CLCN5: variants seen among roughly 807,000 people sequenced by gnomAD.
CLCN5 encodes H(+)/Cl(-) exchange transporter 5.
CLCN5 carries 17 observed loss-of-function variants against 54.0 expected under a neutral mutation model. That is an observed-to-expected ratio of 0.31 (90% CI 0.22 to 0.47). The LOEUF is 0.47. Ranked by LOEUF, CLCN5 falls within the 20% of genes least tolerant of loss-of-function variation. CLCN5 has a pLI of 1.00. For synonymous variants in CLCN5, 222 were observed against 233.0 expected (o/e 0.95, Z 0.43); for missense variants, 448 against 646.7 (o/e 0.69, Z 3.33).
In CLCN5 at chrX:50,057,040, A is replaced by T. The variant is rs1470209550; in HGVS notation, c.164-12839A>T. On this transcript the variant is annotated intron_variant, in intron 4 of 14. Transcript: ENST00000376091. ...TTTTAACCTGCTGTGAACAGGAACC[A>T]AAGCAGTGGATCACTAAATGAAATG... Among the ~76,000 whole-genome samples, 4 of 111,380 alleles carry T rather than the reference A, an allele frequency of 3.6e-5. No individual in the cohort carries two copies. The Admixed American group carries it at 3.8e-4, about 11-fold the overall frequency.
chrX:50,000,701 T>C (rs944091616), intron 3 of CLCN5, among the ~76,000 whole-genome samples: 3 of 112,074 alleles, frequency 2.7e-5, no homozygotes, highest in African/African-American at 6.5e-5. Flanking sequence ...AAGTGACTTA[T>C]CTTGTGTCTC....
intron 4 of CLCN5, chrX:50,050,431 A>G (rs1442679604): frequency 1.8e-5 from 2 of 111,055 alleles, no homozygotes; most frequent in East Asian, 2.8e-4. Flanking sequence ...GTGGTATCTC[A>G]TTGTTTTAAT....
At chrX:49,989,743 A>G (rs1929164815) in intron 3 of CLCN5, among the ~76,000 whole-genome samples, 1 of 111,779 alleles carries the variant, frequency 8.9e-6, no homozygotes, top group Non-Finnish European at 1.9e-5. Flanking sequence ...ATCTGATTTT[A>G]TGGTTCCATG....
intron 3 of CLCN5, among the ~76,000 whole-genome samples, chrX:50,013,903 A>T (rs782523900): frequency 8.9e-6 from 1 of 112,258 alleles, no homozygotes; most frequent in African/African-American, 3.2e-5. Context: ...CCATTCATTT[A>T]TTCATCCCTT....
At chrX:49,964,580 A>T (rs1927752773) in intron 3 of CLCN5, among the ~76,000 whole-genome samples, 1 of 111,238 alleles carries the variant, frequency 9.0e-6, no homozygotes, top group Non-Finnish European at 1.9e-5. Flanking sequence ...AGCTGCAAAT[A>T]GGTTCTTACT....
intron 2 of CLCN5, 113 bp from the exon 3 acceptor site, chrX:49,925,058 C>T (rs1261335937): frequency 4.6e-6 from 2 of 430,143 alleles, no homozygotes; most frequent in African/African-American, 2.5e-5. Flanking sequence ...CTTGACACTA[C>T]CCATGCCTGC....
chrX:49,929,088 C>T (rs1925505160), intron 3 of CLCN5, among the ~76,000 whole-genome samples: 1 of 111,502 alleles, frequency 9.0e-6, no homozygotes, highest in Admixed American at 9.5e-5. Context: ...ATGTGTGAGT[C>T]TGTTCTCAGC....
At chrX:49,972,979 A>G (rs1928294996) in intron 3 of CLCN5, among the ~76,000 whole-genome samples, 1 of 112,099 alleles carries the variant, frequency 8.9e-6, no homozygotes, top group Admixed American at 9.5e-5. Context: ...CAACCTTTAT[A>G]TGGTGCTTTA....
intron 3 of CLCN5, among the ~76,000 whole-genome samples, chrX:49,998,133 G>C (rs1929620405): frequency 9.0e-6 from 1 of 110,988 alleles, no homozygotes; most frequent in Non-Finnish European, 1.9e-5. Context: ...GTTAATCCTT[G>C]CAACAACCCT....
chrX:50,016,614 C>T (rs1930801220), intron 3 of CLCN5, among the ~76,000 whole-genome samples: 1 of 108,504 alleles, frequency 9.2e-6, no homozygotes, highest in Non-Finnish European at 1.9e-5. Context: ...CATTAGAGTT[C>T]CCTCTTTGTG....
intron 3 of CLCN5, among the ~76,000 whole-genome samples, chrX:49,965,394 A>G (rs1927791149): frequency 8.9e-6 from 1 of 111,844 alleles, no homozygotes; most frequent in Non-Finnish European, 1.9e-5. Context: ...CATGGTTTTG[A>G]TGCTATTTAA....
intron 3 of CLCN5, among the ~76,000 whole-genome samples, chrX:49,983,546 G>A (rs55936267): frequency 1.1e-3 from 119 of 109,557 alleles, no homozygotes; most frequent in Middle Eastern, 4.7e-3. Flanking sequence ...AAGTGTCCAG[G>A]TGGAAAGGAA....
chrX:49,960,662 T>A (rs1557174542), intron 3 of CLCN5, among the ~76,000 whole-genome samples: 1 of 110,299 alleles, frequency 9.1e-6, no homozygotes, highest in African/African-American at 3.3e-5. Context: ...AAGGCTAACC[T>A]CATTTTCCTT....
At chrX:50,064,693 G>A (rs1303675268) in intron 4 of CLCN5, among the ~76,000 whole-genome samples, 444 of 96,126 alleles carry the variant, frequency 4.6e-3, no homozygotes, top group Middle Eastern at 9.8e-3. Flanking sequence ...AAAAGAGCCC[G>A]CATCGCCAAG....
intron 3 of CLCN5, among the ~76,000 whole-genome samples, chrX:49,940,451 C>T (rs782073981): frequency 7.1e-5 from 8 of 111,893 alleles, no homozygotes; most frequent in Non-Finnish European, 1.5e-4. Flanking sequence ...TCCTCACCTT[C>T]GTCTAACTTC....
intron 3 of CLCN5, among the ~76,000 whole-genome samples, chrX:49,935,375 C>T (rs1026422035): frequency 2.7e-5 from 3 of 112,091 alleles, no homozygotes; most frequent in African/African-American, 9.7e-5. Context: ...ATTGACTGCA[C>T]TTGTTCAATA....
chrX:49,970,246 C>G (rs1426116948), intron 3 of CLCN5, among the ~76,000 whole-genome samples: 4 of 111,785 alleles, frequency 3.6e-5, no homozygotes, highest in African/African-American at 9.7e-5. Context: ...ACCATTTATA[C>G]TTCAAAGCAG....
At chrX:49,971,193 T>C in intron 3 of CLCN5, among the ~76,000 whole-genome samples, 1 of 104,811 alleles carries the variant, frequency 9.5e-6, no homozygotes. Flanking sequence ...TTCTGGTAGT[T>C]TTTTGGTGAA....
At chrX:49,991,426 T>G (rs1471644039) in intron 3 of CLCN5, among the ~76,000 whole-genome samples, 1 of 112,101 alleles carries the variant, frequency 8.9e-6, no homozygotes, top group African/African-American at 3.2e-5. Flanking sequence ...TTTGTTCGAG[T>G]TCTGTGCAGA....
Sources: allele counts gnomAD v4.1 joint callset (sites outside exome capture counted in the v4.1 genomes callset), GRCh38; gene constraint gnomAD v4.1.1; transcripts MANE v1.5; gene names NCBI Gene and HGNC (gene_info 2026-07-23, HGNC 2026-07-21).